ST18: variants seen among roughly 807,000 people sequenced by gnomAD.
ST18 encodes suppression of tumorigenicity 18 protein.
ST18 carries 50 observed loss-of-function variants against 110.0 expected under a neutral mutation model. That is an observed-to-expected ratio of 0.45 (90% CI 0.36 to 0.58). The LOEUF is 0.58. ST18 is among the 20% of genes least tolerant of loss of function. The pLI is 0.00. For missense variants in ST18, 1,306 were observed against 1,280.1 expected, an observed-to-expected ratio of 1.02 and a Z score of -0.31; for synonymous variants, 461 against 452.4, an observed-to-expected ratio of 1.02 and a Z score of -0.24.
intron 14 of ST18, among the ~76,000 whole-genome samples, chr8:52,159,484 T>C (rs906836363): frequency 2.0e-5 from 3 of 152,188 alleles, no homozygotes; most frequent in Admixed American, 6.5e-5. Flanking sequence ...GGCATGCCCA[T>C]TGGAAAACTG....
rs2042512139 is a variant in ST18, at chr8:52,116,289, G to A, written c.2989C>T (p.Gln997Ter). 5.6e-6 allele frequency: 9 copies of A among 1,613,636 alleles called. No individual in the cohort carries two copies. Among genetic ancestry groups the A allele is most frequent in the Non-Finnish European group, 6.8e-6 (8 of 1,179,830 alleles). ...CTTGAACTTACCATCTGTGGAAGCT[G>A]GATGTCAGCAAGGCTTGAAATGAGA... ...QALISSLADI[Q>*]LPQMGPISEQ... The change falls in exon 25 of 26, where the codon CAG (glutamine) becomes TAG (stop). Residue 997 changes from glutamine to a stop codon, truncating the protein, a stop_gained. Coordinates refer to ENST00000689386, the MANE Select transcript of ST18 (RefSeq NM_001352837.2). LOFTEE classifies it high-confidence loss of function.
intron 8 of ST18, 75 bp downstream of exon 8, chr8:52,212,004 G>C (rs770992670): frequency 2.0e-6 from 3 of 1,493,524 alleles, no homozygotes; most frequent in African/African-American, 1.4e-5. Flanking sequence ...GTATTCTGAG[G>C]CTTGAAAAGT....
chr8:52,164,556 C>A (rs966769257), intron 12 of ST18, among the ~76,000 whole-genome samples: 1 of 152,118 alleles, frequency 6.6e-6, no homozygotes. Context: ...AGTACCTCAT[C>A]GCCACATAAT....
At chr8:52,401,216 T>C (rs571480829) in intron 2 of ST18, among the ~76,000 whole-genome samples, 2 of 152,196 alleles carry the variant, frequency 1.3e-5, no homozygotes, top group Non-Finnish European at 2.9e-5. Context: ...TTTCCTGATA[T>C]GTCATTTGAC....
intron 2 of ST18, among the ~76,000 whole-genome samples, chr8:52,358,015 C>G (rs1022877811): frequency 6.6e-6 from 1 of 151,404 alleles, no homozygotes. Context: ...TCTCTAACCA[C>G]AATAGAATAA....
At chr8:52,247,169 G>A (rs937876376) in intron 2 of ST18, among the ~76,000 whole-genome samples, 4 of 152,118 alleles carry the variant, frequency 2.6e-5, no homozygotes, top group South Asian at 2.1e-4. Context: ...TGTTAAATGA[G>A]TGAATCAGAA....
chr8:52,357,247 G>C (rs1823164180), intron 2 of ST18, among the ~76,000 whole-genome samples: 1 of 151,996 alleles, frequency 6.6e-6, no homozygotes, highest in African/African-American at 2.4e-5. Flanking sequence ...GTACACAAAA[G>C]AAAGCATTAA....
intron 2 of ST18, among the ~76,000 whole-genome samples, chr8:52,300,594 T>G (rs2095704681): frequency 6.6e-6 from 1 of 152,186 alleles, no homozygotes; most frequent in Admixed American, 6.5e-5. Flanking sequence ...CGATTTAAAA[T>G]GGTTTTTACA....
chr8:52,183,369 A>G (rs1158906035), intron 8 of ST18, among the ~76,000 whole-genome samples: 2 of 152,216 alleles, frequency 1.3e-5, no homozygotes, highest in African/African-American at 4.8e-5. Context: ...GAATGAACCT[A>G]ATGAGATGGC....
intron 19 of ST18, among the ~76,000 whole-genome samples, chr8:52,133,710 AATTATT>A (rs10547451): frequency 5.9e-4 from 88 of 147,970 alleles, no homozygotes; most frequent in Middle Eastern, 3.5e-3. Flanking sequence ...AAGTTTTCCA[AATTATT>A]ATTATTATTA....
In ST18 at chr8:52,114,529, A is replaced by C. The variant is rs10086916; in HGVS notation, c.3004-1191T>G. Reference sequence around the variant, plus strand: ...TGTTATTGTTGCTATTTAAGGAAATAAGCTTTCTAAATTTGAAGCTATTTG... The same window carrying C: ...TGTTATTGTTGCTATTTAAGGAAATCAGCTTTCTAAATTTGAAGCTATTTG... On this transcript the variant is annotated intron_variant, in intron 25 of 25. Coordinates refer to ENST00000689386, the MANE Select transcript of ST18 (RefSeq NM_001352837.2). Among the ~76,000 whole-genome samples, 909 of 152,124 alleles carry C rather than the reference A, an allele frequency of 6.0e-3. 10 individuals carry two copies. The highest frequency in any genetic ancestry group is 0.021 in the African/African-American group (872 of 41,374).
intron 2 of ST18, among the ~76,000 whole-genome samples, chr8:52,386,577 A>G (rs948164030): frequency 6.6e-6 from 1 of 152,230 alleles, no homozygotes; most frequent in Admixed American, 6.5e-5. Flanking sequence ...TTATAAAGCA[A>G]TGTTACTCTT....
At chr8:52,303,042 T>C (rs2095754565) in intron 2 of ST18, among the ~76,000 whole-genome samples, 1 of 151,752 alleles carries the variant, frequency 6.6e-6, no homozygotes, top group Admixed American at 6.6e-5. Flanking sequence ...AAAAAAAGAG[T>C]AACGTTATTG....
chr8:52,376,349 G>A (rs990235261), intron 2 of ST18, among the ~76,000 whole-genome samples: 4 of 152,042 alleles, frequency 2.6e-5, no homozygotes, highest in African/African-American at 9.7e-5. Context: ...CACCCACCAC[G>A]AGGCCTCTGT....
chr8:52,171,412 A>G (rs1021266926), intron 10 of ST18, among the ~76,000 whole-genome samples: 6 of 152,250 alleles, frequency 3.9e-5, no homozygotes, highest in Non-Finnish European at 8.8e-5. Context: ...AAGTTAGATA[A>G]TCCAAGAATG....
chr8:52,125,571 C>T (rs778598700), intron 23 of ST18, among the ~76,000 whole-genome samples: 8 of 152,086 alleles, frequency 5.3e-5, no homozygotes, highest in Non-Finnish European at 1.0e-4. Context: ...ACATCAGCCT[C>T]GATCCTGGGC....
chr8:52,324,861 TC>T (rs1805577998), intron 2 of ST18, among the ~76,000 whole-genome samples: 1 of 152,168 alleles, frequency 6.6e-6, no homozygotes. Flanking sequence ...AATAATAAAA[TC>T]AATATGTGAC....
chr8:52,214,971 C>T (rs2083589363), intron 6 of ST18, among the ~76,000 whole-genome samples: 1 of 152,230 alleles, frequency 6.6e-6, no homozygotes, highest in Admixed American at 6.5e-5. Flanking sequence ...TTTTCAGACT[C>T]TGACCTTGAT....
intron 17 of ST18, among the ~76,000 whole-genome samples, chr8:52,141,973 C>T (rs771646895): frequency 8.5e-5 from 13 of 152,128 alleles, no homozygotes; most frequent in African/African-American, 2.9e-4. Flanking sequence ...TCTAGAAGGG[C>T]TAGCAGTGAG....
Sources: gnomAD v4.1 joint callset for allele counts (sites outside exome capture counted in the v4.1 genomes callset) on GRCh38, gnomAD v4.1.1 for gene constraint, MANE v1.5 for transcripts, NCBI Gene and HGNC (gene_info 2026-07-23, HGNC 2026-07-21) for gene names.